The following DPYD variants were observed in gnomAD, a reference collection of about 807,000 sequenced individuals.
The protein encoded by DPYD is dihydropyrimidine dehydrogenase [NADP(+)].
A neutral mutation model predicts 116.2 loss-of-function variants in DPYD; 109 were observed. That is an observed-to-expected ratio of 0.94 (90% confidence interval 0.80 to 1.10). The LOEUF is 1.10. Ranked by LOEUF, DPYD falls within the 50% of genes least tolerant of loss-of-function variation. DPYD has a pLI of 0.00. For missense variants in DPYD, 1,302 were observed against 1,254.5 expected, an observed-to-expected ratio of 1.04 and a Z score of -0.57; for synonymous variants, 440 against 432.0, an observed-to-expected ratio of 1.02 and a Z score of -0.23.
chr1:97,410,494 C>CT (rs1263399837), intron 14 of DPYD, among the ~76,000 whole-genome samples: 1 of 151,952 alleles, frequency 6.6e-6, no homozygotes, highest in Non-Finnish European at 1.5e-5. Flanking sequence ...TCAGATTTGC[C>CT]TTTTTTCTAC....
intron 20 of DPYD, among the ~76,000 whole-genome samples, chr1:97,099,407 G>A (rs1650500861): frequency 1.3e-5 from 2 of 152,034 alleles, no homozygotes; most frequent in Admixed American, 1.3e-4. Context: ...TGGGCGTCAT[G>A]GAAAAATGCT....
chr1:97,616,381 G>T (rs1326002421), intron 8 of DPYD, among the ~76,000 whole-genome samples: 1 of 152,074 alleles, frequency 6.6e-6, no homozygotes, highest in African/African-American at 2.4e-5. Flanking sequence ...GGATCAAAAT[G>T]TAATTTAGGA....
chr1:97,892,540 A>G (rs565523242), intron 1 of DPYD, among the ~76,000 whole-genome samples: 1 of 151,920 alleles, frequency 6.6e-6, no homozygotes, highest in East Asian at 1.9e-4. Flanking sequence ...TCCTAGGTTC[A>G]CACTTGAGAT....
At chr1:97,403,886 C>A (rs1215268806) in intron 14 of DPYD, among the ~76,000 whole-genome samples, 1 of 151,896 alleles carries the variant, frequency 6.6e-6, no homozygotes, top group East Asian at 1.9e-4. Flanking sequence ...AAACTTAGGT[C>A]ATTAATTTTA....
At chr1:97,878,063 C>T (rs1672012583) in intron 2 of DPYD, among the ~76,000 whole-genome samples, 1 of 151,802 alleles carries the variant, frequency 6.6e-6, no homozygotes, top group Admixed American at 6.6e-5. Flanking sequence ...CATGGAAGTC[C>T]CCTACTATGC....
intron 16 of DPYD, among the ~76,000 whole-genome samples, chr1:97,364,672 C>G (rs768817518): frequency 1.1e-4 from 16 of 152,134 alleles, no homozygotes; most frequent in Admixed American, 5.2e-4. Context: ...TCAAGAGAGA[C>G]TTCATGTTGG....
chr1:97,720,446 T>G, intron 5 of DPYD: 1 of 991,340 alleles, frequency 1.0e-6, no homozygotes, highest in Middle Eastern at 5.1e-4. Context: ...GTAAGCCTAA[T>G]GCAATTTTGA....
chr1:97,585,631 T>C (rs763981564), intron 10 of DPYD, among the ~76,000 whole-genome samples: 3 of 152,254 alleles, frequency 2.0e-5, no homozygotes, highest in Non-Finnish European at 4.4e-5. Flanking sequence ...TGTTAATTCA[T>C]GTGTATTTTT....
intron 13 of DPYD, among the ~76,000 whole-genome samples, chr1:97,461,061 C>T (rs1015094761): frequency 6.6e-6 from 1 of 151,450 alleles, no homozygotes; most frequent in East Asian, 1.9e-4. Flanking sequence ...AAGAAAGAAG[C>T]GATCACACTT....
At chr1:97,276,309 C>A (rs182907110) in intron 18 of DPYD, among the ~76,000 whole-genome samples, 2 of 152,110 alleles carry the variant, frequency 1.3e-5, no homozygotes, top group East Asian at 3.9e-4. Flanking sequence ...CAAGTGTGAC[C>A]TAAGTAAACT....
chr1:97,123,756 C>T (rs1003139967), intron 20 of DPYD, among the ~76,000 whole-genome samples: 1 of 152,122 alleles, frequency 6.6e-6, no homozygotes, highest in Non-Finnish European at 1.5e-5. Flanking sequence ...TATAGTCTAT[C>T]TAATCTTTAA....
rs968615013 is a variant in DPYD, at chr1:97,602,065, AT to A, written c.851-6900del. On this transcript the variant is annotated intron_variant, in intron 8 of 22. Coordinates refer to ENST00000370192, the MANE Select transcript of DPYD (RefSeq NM_000110.4). ...TGAATGGAGACACCATTTAAATAGT[AT>A]TTTTTTCCATTACACAAGATTCTTT... 1.3e-4 allele frequency among the ~76,000 whole-genome samples: 19 copies of A among 151,876 alleles called. 1 individual carries two copies. Among genetic ancestry groups the A allele is most frequent in the Non-Finnish European group, 1.5e-4 (10 of 67,836 alleles).
chr1:97,339,603 A>C (rs1386825123), intron 16 of DPYD, among the ~76,000 whole-genome samples: 1 of 152,190 alleles, frequency 6.6e-6, no homozygotes, highest in African/African-American at 2.4e-5. Context: ...CCATGTACTG[A>C]TATCTTATCT....
At chr1:97,777,533 T>C (rs1245995387) in intron 3 of DPYD, among the ~76,000 whole-genome samples, 1 of 152,172 alleles carries the variant, frequency 6.6e-6, no homozygotes, top group Non-Finnish European at 1.5e-5. Flanking sequence ...ACCACAGAAC[T>C]TTTGACACCT....
chr1:97,442,899 T>G (rs1034326627), intron 14 of DPYD, among the ~76,000 whole-genome samples: 1 of 152,226 alleles, frequency 6.6e-6, no homozygotes, highest in African/African-American at 2.4e-5. Flanking sequence ...AAAAATATTA[T>G]TTTAAAAGTA....
At chr1:97,691,856 C>A in intron 6 of DPYD, 58 bp from the exon 7 acceptor site, 2 of 1,392,946 alleles carry the variant, frequency 1.4e-6, no homozygotes, top group Non-Finnish European at 2.0e-6. Context: ...AATCTTTGAC[C>A]AATCTTAAAA....
intron 19 of DPYD, among the ~76,000 whole-genome samples, chr1:97,195,569 C>CATATAT (rs1200424384): frequency 3.0e-3 from 111 of 37,368 alleles, no homozygotes; most frequent in Admixed American, 0.014. Flanking sequence ...ACAGAACTCT[C>CATATAT]ATATATATAT....
chr1:97,176,518 C>A (rs1477077007), intron 20 of DPYD, among the ~76,000 whole-genome samples: 1 of 152,092 alleles, frequency 6.6e-6, no homozygotes, highest in Non-Finnish European at 1.5e-5. Context: ...GGGAGTGACA[C>A]GGTTTTTTGC....
intron 3 of DPYD, among the ~76,000 whole-genome samples, chr1:97,747,201 A>G (rs570594401): frequency 1.3e-5 from 2 of 152,194 alleles, no homozygotes; most frequent in Non-Finnish European, 2.9e-5. Context: ...AATAATACAG[A>G]AACAGTAACA....
Sources: gnomAD v4.1 joint callset for allele counts (sites outside exome capture counted in the v4.1 genomes callset) on GRCh38, gnomAD v4.1.1 for gene constraint, MANE v1.5 for transcripts, NCBI Gene and HGNC (gene_info 2026-07-23, HGNC 2026-07-21) for gene names.